Variants in TUSC3 observed in about 807,000 individuals in gnomAD.
The protein encoded by TUSC3 is dolichyl-diphosphooligosaccharide--protein glycosyltransferase subunit TUSC3.
A neutral mutation model predicts 44.8 loss-of-function variants in TUSC3; 45 were observed. The observed-to-expected ratio is 1.00, with a 90% CI of 0.79 to 1.29. The LOEUF (loss-of-function observed/expected upper bound fraction) is 1.29, where lower values mean the gene tolerates loss of function less well. Among genes scored for constraint, TUSC3 ranks in the 50% most tolerant of loss-of-function variants. The pLI is 0.00. For missense variants in TUSC3, 519 were observed against 437.9 expected, an observed-to-expected ratio of 1.19 and a Z score of -1.65; for synonymous variants, 212 against 152.9, an observed-to-expected ratio of 1.39 and a Z score of -2.85.
chr8:15,753,273 A>T (rs1811782926), intron 9 of TUSC3, among the ~76,000 whole-genome samples: 1 of 152,008 alleles, frequency 6.6e-6, no homozygotes. Context: ...AAAGCCTTCT[A>T]ATATGTCCGT....
At chr8:15,607,059 G>T (rs1376305020) in intron 1 of TUSC3, among the ~76,000 whole-genome samples, 1 of 152,068 alleles carries the variant, frequency 6.6e-6, no homozygotes, top group Non-Finnish European at 1.5e-5. Flanking sequence ...GCAAGTTTCA[G>T]TAGTAAGCTT....
At chr8:15,436,573 C>G (rs908221414) in intron 1 of TUSC3, among the ~76,000 whole-genome samples, 2 of 152,020 alleles carry the variant, frequency 1.3e-5, no homozygotes, top group Non-Finnish European at 2.9e-5. Flanking sequence ...TCATATAAAC[C>G]GTATGGAGTA....
At chr8:15,811,565 A>C in the TUSC3 span, among the ~76,000 whole-genome samples, 1 of 152,210 alleles carries the variant, frequency 6.6e-6, no homozygotes, top group Non-Finnish European at 1.5e-5. Flanking sequence ...GGATCCAACC[A>C]GAACTGGGGG....
intron 6 of TUSC3, among the ~76,000 whole-genome samples, chr8:15,684,207 G>T (rs1250199826): frequency 2.0e-5 from 3 of 152,052 alleles, no homozygotes; most frequent in African/African-American, 4.8e-5. Flanking sequence ...TGCCCCAGGG[G>T]TGGGTGGGGG....
intron 2 of TUSC3, among the ~76,000 whole-genome samples, chr8:15,631,424 C>G (rs1563143571): frequency 6.6e-6 from 1 of 151,970 alleles, no homozygotes; most frequent in Non-Finnish European, 1.5e-5. Flanking sequence ...TAAAGTCCAG[C>G]TATAGTCTCT....
intron 7 of TUSC3, among the ~76,000 whole-genome samples, chr8:15,732,119 C>G (rs1253653655): frequency 6.6e-6 from 1 of 152,046 alleles, no homozygotes; most frequent in Non-Finnish European, 1.5e-5. Flanking sequence ...TCTGTTTTCC[C>G]TTCTTTCTTA....
At chr8:15,615,083 A>G (rs142099959) in intron 1 of TUSC3, among the ~76,000 whole-genome samples, 1 of 152,314 alleles carries the variant, frequency 6.6e-6, no homozygotes, top group African/African-American at 2.4e-5. Flanking sequence ...TACAACAACC[A>G]TAATATTCAG....
chr8:15,844,433 A>C, the TUSC3 span, among the ~76,000 whole-genome samples: 2 of 152,136 alleles, frequency 1.3e-5, no homozygotes, highest in East Asian at 3.9e-4. Context: ...TATGTGGCCT[A>C]ATAAATCAAT....
intron 1 of TUSC3, among the ~76,000 whole-genome samples, chr8:15,612,310 C>T (rs1197538196): frequency 2.0e-5 from 3 of 152,098 alleles, no homozygotes; most frequent in Admixed American, 2.0e-4. Context: ...CTTGGTACAT[C>T]TGGTCATGTT....
intron 1 of TUSC3, among the ~76,000 whole-genome samples, chr8:15,542,423 C>G (rs896328448): frequency 6.6e-6 from 1 of 151,866 alleles, no homozygotes; most frequent in African/African-American, 2.4e-5. Context: ...GTATAATGAG[C>G]ATGTCTGGCT....
chr8:15,588,521 CTGT>C (rs1033141401), intron 1 of TUSC3, among the ~76,000 whole-genome samples: 16 of 152,106 alleles, frequency 1.1e-4, no homozygotes, highest in African/African-American at 3.9e-4. Context: ...TCTCTTCACT[CTGT>C]TGTTTCCTTT....
intron 1 of TUSC3, among the ~76,000 whole-genome samples, chr8:15,442,086 C>T (rs769353864): frequency 6.6e-6 from 1 of 152,152 alleles, no homozygotes; most frequent in Non-Finnish European, 1.5e-5. Context: ...AGTATTAACA[C>T]TGACTCCAAA....
intron 1 of TUSC3, among the ~76,000 whole-genome samples, chr8:15,471,427 G>A (rs1256532806): frequency 6.6e-6 from 1 of 152,072 alleles, no homozygotes; most frequent in Non-Finnish European, 1.5e-5. Context: ...GATGTTAAGT[G>A]AAGATTTATT....
the TUSC3 span, among the ~76,000 whole-genome samples, chr8:15,802,960 C>G: frequency 1.1e-4 from 16 of 152,098 alleles, no homozygotes; most frequent in African/African-American, 3.9e-4. Context: ...ATAACTGCGG[C>G]ATAAAAAGGA....
intron 1 of TUSC3, among the ~76,000 whole-genome samples, chr8:15,563,524 A>G (rs12680441): frequency 0.19 from 29,186 of 151,772 alleles, 2,829 homozygotes; most frequent in South Asian, 0.24. Flanking sequence ...TGTCTCTGCT[A>G]AAAATACAAA....
chr8:15,464,400 C>G (rs991099491), intron 1 of TUSC3, among the ~76,000 whole-genome samples: 15 of 152,134 alleles, frequency 9.9e-5, no homozygotes, highest in African/African-American at 3.4e-4. Context: ...ATGGATTCAA[C>G]AAATATTTCT....
At chr8:15,628,234 ATATTT>A in intron 2 of TUSC3, among the ~76,000 whole-genome samples, 1 of 152,292 alleles carries the variant, frequency 6.6e-6, no homozygotes, top group South Asian at 2.1e-4. Flanking sequence ...CAATCTAGAA[ATATTT>A]TATTATCTAA....
the TUSC3 span, among the ~76,000 whole-genome samples, chr8:15,836,464 G>A: frequency 7.7e-6 from 1 of 129,396 alleles, no homozygotes; most frequent in Non-Finnish European, 1.6e-5. Flanking sequence ...GCAACAGAGT[G>A]AGACTCCATC....
chr8:15,492,851 G>C (rs1160151703), intron 2 of TUSC3, among the ~76,000 whole-genome samples: 2 of 151,062 alleles, frequency 1.3e-5, no homozygotes, highest in Non-Finnish European at 2.9e-5. Flanking sequence ...TGCATATATA[G>C]AATATGCAAA....
Sources: gnomAD v4.1 joint callset for allele counts (sites outside exome capture counted in the v4.1 genomes callset) on GRCh38, gnomAD v4.1.1 for gene constraint, MANE v1.5 for transcripts, NCBI Gene and HGNC (gene_info 2026-07-23, HGNC 2026-07-21) for gene names.